Variants in IGSF11 observed in about 807,000 individuals in gnomAD.
IGSF11 encodes immunoglobulin superfamily member 11, also known as CXADR like 1.
In IGSF11, 22 loss-of-function variants were observed where a neutral mutation model predicts 41.0. That is an observed-to-expected ratio of 0.54 (90% confidence interval 0.38 to 0.77). The LOEUF is 0.77. IGSF11 is among the 30% of genes least tolerant of loss of function. IGSF11 has a pLI of 0.00. For synonymous variants in IGSF11, 219 were observed against 201.3 expected (o/e 1.09, Z -0.74); for missense variants, 444 against 530.8 (o/e 0.84, Z 1.61).
At chr3:119,003,945 C>T (rs1937185231) in intron 1 of IGSF11, among the ~76,000 whole-genome samples, 1 of 150,574 alleles carries the variant, frequency 6.6e-6, no homozygotes, top group Non-Finnish European at 1.5e-5. Flanking sequence ...GTGTCTCTGC[C>T]CGGCTTTGGT....
intron 1 of IGSF11, 121 bp downstream of exon 1, chr3:119,034,410 G>A: frequency 9.9e-6 from 10 of 1,011,308 alleles, no homozygotes; most frequent in Non-Finnish European, 1.3e-5. Context: ...CCGCCCCTGA[G>A]AAAGTTGGAC....
At chr3:119,017,248 T>G (rs921256050) in intron 1 of IGSF11, among the ~76,000 whole-genome samples, 1 of 152,206 alleles carries the variant, frequency 6.6e-6, no homozygotes, top group Non-Finnish European at 1.5e-5. Context: ...TGTGTGAACA[T>G]CATTGAGTGT....
At chr3:119,119,224 T>G (rs770306215) in intron 1 of IGSF11, among the ~76,000 whole-genome samples, 1 of 152,172 alleles carries the variant, frequency 6.6e-6, no homozygotes, top group African/African-American at 2.4e-5. Context: ...TACCTGAGAC[T>G]GGGTAATTTA....
chr3:119,047,208 G>A (rs1244230023), intron 1 of IGSF11, among the ~76,000 whole-genome samples: 4 of 151,382 alleles, frequency 2.6e-5, no homozygotes, highest in Non-Finnish European at 4.4e-5. Flanking sequence ...TGGCAAATTG[G>A]ATAAAGAGTC....
intron 1 of IGSF11, among the ~76,000 whole-genome samples, chr3:119,017,776 C>CTTTT (rs567222914): frequency 1.9e-4 from 19 of 100,258 alleles, no homozygotes; most frequent in East Asian, 2.9e-4. Flanking sequence ...GTTTGTTTTA[C>CTTTT]TTTTTTTTTT....
rs574625430 is a variant in IGSF11 at position 119,054,152 on chromosome 3, A to G, written c.49+50992T>C. Among the ~76,000 whole-genome samples the G allele has an allele frequency of 3.9e-5, 6 of 152,336 alleles. No individual in the cohort carries two copies. The East Asian group carries it at 1.2e-3, about 29-fold the overall frequency. On this transcript the variant is annotated intron_variant, in intron 1 of 6. Transcript: ENST00000354673. ...ACCCAAAAGCAAATGCAAAAAGTCA[A>G]AGATAAATAGATGGAACTTAATTAA...
intron 1 of IGSF11, among the ~76,000 whole-genome samples, chr3:119,004,949 G>C (rs1937332938): frequency 6.6e-6 from 1 of 151,630 alleles, no homozygotes. Context: ...GTTGATTTGG[G>C]GTGGAGAGTT....
At chr3:118,971,383 A>T (rs955191332) in intron 1 of IGSF11, among the ~76,000 whole-genome samples, 1 of 152,250 alleles carries the variant, frequency 6.6e-6, no homozygotes, top group African/African-American at 2.4e-5. Context: ...TGCCAAAATA[A>T]GAAAACATAC....
chr3:118,906,048 A>T (rs1939552543), intron 4 of IGSF11, among the ~76,000 whole-genome samples: 3 of 152,226 alleles, frequency 2.0e-5, no homozygotes, highest in Admixed American at 2.0e-4. Flanking sequence ...AGGTAACACC[A>T]AATTCTAGTT....
chr3:119,105,364 G>C, upstream of IGSF11: 2 of 562,212 alleles, frequency 3.6e-6, no homozygotes, highest in Admixed American at 3.2e-5. Context: ...CATTTCATCA[G>C]ACCAATTAAT....
intron 1 of IGSF11, among the ~76,000 whole-genome samples, chr3:119,113,863 G>A (rs139639015): frequency 0.017 from 2,609 of 152,314 alleles, 32 homozygotes; most frequent in Non-Finnish European, 0.026. Context: ...ATTTCCATAC[G>A]TCCTCTGAAA....
chr3:119,034,185 TAC>T (rs1940690094), intron 1 of IGSF11, among the ~76,000 whole-genome samples: 1 of 152,228 alleles, frequency 6.6e-6, no homozygotes, highest in South Asian at 2.1e-4. Context: ...TGGTTCTAAA[TAC>T]AGTTTCTAAC....
At chr3:119,076,223 A>G (rs1220996799) in intron 1 of IGSF11, among the ~76,000 whole-genome samples, 1 of 152,246 alleles carries the variant, frequency 6.6e-6, no homozygotes, top group African/African-American at 2.4e-5. Flanking sequence ...GAAAGCTGAA[A>G]CTGGATCCCT....
At chr3:119,145,807 C>A in intron 1 of IGSF11, 1 of 184,114 alleles carries the variant, frequency 5.4e-6, no homozygotes, top group Non-Finnish European at 1.1e-5. Context: ...ATCAGAGGAG[C>A]AGTACCTGAG....
intron 1 of IGSF11, among the ~76,000 whole-genome samples, chr3:118,971,462 T>C (rs1933405884): frequency 6.6e-6 from 1 of 152,096 alleles, no homozygotes; most frequent in Admixed American, 6.5e-5. Context: ...ATAACATTAA[T>C]TATCCTGAAA....
At position 118,960,044 on chromosome 3, in the gene IGSF11, C is replaced by CAA. The variant is rs199913346; in HGVS notation, c.53-29771_53-29770dup. On this transcript the variant is annotated intron_variant, in intron 1 of 6. Coordinates refer to ENST00000393775, the MANE Select transcript of IGSF11 (RefSeq NM_001015887.3). ...TGGGTGACACAGCGAGACTCCGTCT[C>CAA]AAAAAAAAAAAAAAAAGAAATAACA... 3.1e-3 allele frequency among the ~76,000 whole-genome samples: 251 copies of CAA among 81,092 alleles called. 2 individuals carry two copies. Among genetic ancestry groups the CAA allele is most frequent in the African/African-American group, 0.011 (200 of 18,812 alleles). 53.2% of individuals were successfully genotyped at this position (81,092 alleles called of 152,430 possible).
chr3:119,128,777 C>T (rs1158561318), intron 1 of IGSF11, among the ~76,000 whole-genome samples: 1 of 152,074 alleles, frequency 6.6e-6, no homozygotes, highest in Non-Finnish European at 1.5e-5. Flanking sequence ...GAATCTAGAA[C>T]CAGAAATACC....
intron 1 of IGSF11, among the ~76,000 whole-genome samples, chr3:119,082,498 T>C (rs780747939): frequency 3.3e-5 from 5 of 152,192 alleles, no homozygotes; most frequent in Non-Finnish European, 4.4e-5. Flanking sequence ...GAAAATAATA[T>C]ATAATGAATT....
intron 1 of IGSF11, among the ~76,000 whole-genome samples, chr3:118,980,924 C>T (rs1447757453): frequency 6.6e-6 from 1 of 152,162 alleles, no homozygotes; most frequent in Non-Finnish European, 1.5e-5. Flanking sequence ...TAAGAAGTCA[C>T]ATTTTCTTGT....
Sources: gnomAD v4.1 joint callset for allele counts (sites outside exome capture counted in the v4.1 genomes callset) on GRCh38, gnomAD v4.1.1 for gene constraint, MANE v1.5 for transcripts, NCBI Gene and HGNC (gene_info 2026-07-23, HGNC 2026-07-21) for gene names.